Variants in SPOCK3 observed in about 807,000 individuals in gnomAD.
The protein encoded by SPOCK3 is testican-3.
In SPOCK3, 30 loss-of-function variants were observed where a neutral mutation model predicts 56.6. That is an observed-to-expected ratio of 0.53 (90% CI 0.40 to 0.72). SPOCK3 has a LOEUF of 0.72. Ranked by LOEUF, SPOCK3 falls within the 30% of genes least tolerant of loss-of-function variation. The probability of loss-of-function intolerance (pLI) is 0.00; values close to 1 mark genes in which losing one functional copy is unlikely to be tolerated. For synonymous variants in SPOCK3, 196 were observed against 183.3 expected, an observed-to-expected ratio of 1.07 and a Z score of -0.56; for missense variants, 527 against 530.0, an observed-to-expected ratio of 0.99 and a Z score of 0.06.
chr4:166,777,329 G>A (rs1381567100), intron 7 of SPOCK3, among the ~76,000 whole-genome samples: 1 of 152,138 alleles, frequency 6.6e-6, no homozygotes, highest in Non-Finnish European at 1.5e-5. Context: ...AAATGCAATA[G>A]GAAAACATTC....
chr4:167,133,159 AG>A (rs750467512), intron 2 of SPOCK3, among the ~76,000 whole-genome samples: 4 of 152,186 alleles, frequency 2.6e-5, no homozygotes, highest in Non-Finnish European at 4.4e-5. Context: ...AAGGATCTTG[AG>A]ATAGACAGAG....
At chr4:167,066,598 C>A (rs1756161373) in intron 2 of SPOCK3, among the ~76,000 whole-genome samples, 1 of 151,736 alleles carries the variant, frequency 6.6e-6, no homozygotes, top group Admixed American at 6.6e-5. Flanking sequence ...TTATTAAGAA[C>A]ACTTTACAAC....
At chr4:166,837,244 A>T (rs1167743946) in intron 6 of SPOCK3, among the ~76,000 whole-genome samples, 1 of 152,208 alleles carries the variant, frequency 6.6e-6, no homozygotes, top group African/African-American at 2.4e-5. Flanking sequence ...GTGAAGTTAG[A>T]CACACCAGCT....
chr4:166,961,586 G>C (rs550176659), intron 4 of SPOCK3, among the ~76,000 whole-genome samples: 5 of 151,442 alleles, frequency 3.3e-5, no homozygotes, highest in African/African-American at 4.8e-5. Context: ...GTTCAGATAT[G>C]ATTCAAGCTT....
At chr4:167,067,163 G>T (rs766077777) in intron 2 of SPOCK3, among the ~76,000 whole-genome samples, 16 of 151,798 alleles carry the variant, frequency 1.1e-4, no homozygotes, top group Non-Finnish European at 2.1e-4. Flanking sequence ...CAGGCATTAT[G>T]TTAGCCATTA....
intron 2 of SPOCK3, among the ~76,000 whole-genome samples, chr4:167,069,167 A>G (rs1245817172): frequency 6.6e-6 from 1 of 151,914 alleles, no homozygotes; most frequent in South Asian, 2.1e-4. Flanking sequence ...TTTGAATAGC[A>G]TATGGTTTTA....
At chr4:167,186,261 AT>A (rs759987139) in intron 2 of SPOCK3, among the ~76,000 whole-genome samples, 100 of 152,344 alleles carry the variant, frequency 6.6e-4, no homozygotes, top group Non-Finnish European at 9.6e-4. Flanking sequence ...ATCTAAAAAA[AT>A]TATTTTACAT....
At chr4:166,776,066 T>C (rs948153877) in intron 7 of SPOCK3, among the ~76,000 whole-genome samples, 16 of 152,034 alleles carry the variant, frequency 1.1e-4, no homozygotes, top group African/African-American at 3.9e-4. Flanking sequence ...AATAGTACTT[T>C]GTGATGGAGA....
chr4:166,769,580 G>A (rs942446714), intron 7 of SPOCK3, among the ~76,000 whole-genome samples: 11 of 152,184 alleles, frequency 7.2e-5, no homozygotes, highest in Admixed American at 7.2e-4. Context: ...GGCCATGTGA[G>A]GTGTCAGTCT....
rs140171300 is a variant in SPOCK3, at chr4:166,909,434, T to C, written c.474+3186A>G. Reference sequence around the variant, plus strand: ...TAAGATGTGCAATGAAAATATCATTTATAATCTCCTCTCTATAAAATAAGC... The same window carrying C: ...TAAGATGTGCAATGAAAATATCATTCATAATCTCCTCTCTATAAAATAAGC... On this transcript the variant is annotated intron_variant, in intron 5 of 10. Transcript: ENST00000357545. Among the ~76,000 whole-genome samples, 461 of 152,198 alleles carry C rather than the reference T, an allele frequency of 3.0e-3. 2 individuals are homozygous for C. Among genetic ancestry groups the C allele is most frequent in the African/African-American group, 0.011 (449 of 41,556 alleles).
At chr4:166,959,179 A>G (rs989366816) in intron 4 of SPOCK3, among the ~76,000 whole-genome samples, 2 of 152,178 alleles carry the variant, frequency 1.3e-5, no homozygotes, top group African/African-American at 4.8e-5. Context: ...CTCTTAAGTT[A>G]GTGAAGCAAA....
chr4:167,005,822 T>C (rs1297337853), intron 3 of SPOCK3, among the ~76,000 whole-genome samples: 1 of 152,200 alleles, frequency 6.6e-6, no homozygotes, highest in Non-Finnish European at 1.5e-5. Flanking sequence ...AAGAAAAGGA[T>C]ACTGTGAATT....
At chr4:166,977,822 T>C (rs1421414961) in intron 4 of SPOCK3, among the ~76,000 whole-genome samples, 2 of 152,196 alleles carry the variant, frequency 1.3e-5, no homozygotes, top group African/African-American at 2.4e-5. Context: ...GCTCTTCTCT[T>C]TTAAGAAGAA....
chr4:167,147,102 G>A (rs1342458721), intron 2 of SPOCK3, among the ~76,000 whole-genome samples: 1 of 151,938 alleles, frequency 6.6e-6, no homozygotes, highest in African/African-American at 2.4e-5. Flanking sequence ...GAATCAAATA[G>A]ATGCAATAAA....
intron 6 of SPOCK3, among the ~76,000 whole-genome samples, chr4:166,853,194 G>A (rs1730312847): frequency 1.3e-5 from 2 of 152,046 alleles, no homozygotes; most frequent in South Asian, 4.1e-4. Context: ...TGAAAATTAA[G>A]ACATATTTTT....
intron 4 of SPOCK3, among the ~76,000 whole-genome samples, chr4:166,975,615 AT>A (rs1362613550): frequency 6.6e-6 from 1 of 152,038 alleles, no homozygotes; most frequent in Non-Finnish European, 1.5e-5. Flanking sequence ...ATCTAACTGT[AT>A]TTTTTGTACC....
At chr4:166,737,443 G>C (rs1338333136) in intron 10 of SPOCK3, 24 bp downstream of exon 10, 1 of 1,599,758 alleles carries the variant, frequency 6.3e-7, no homozygotes, top group Non-Finnish European at 8.5e-7. Flanking sequence ...AGAAAATTAT[G>C]AAATAAGTAA....
chr4:166,993,629 C>A (rs187198350), intron 4 of SPOCK3, among the ~76,000 whole-genome samples: 112 of 152,230 alleles, frequency 7.4e-4, no homozygotes, highest in African/African-American at 2.7e-3. Flanking sequence ...TCTTAAATTT[C>A]ATATCCTATG....
chr4:166,833,574 T>G (rs1023507663), intron 6 of SPOCK3, among the ~76,000 whole-genome samples: 6 of 152,240 alleles, frequency 3.9e-5, no homozygotes. Flanking sequence ...ATAGTAATAT[T>G]AATATGGTTG....
Sources: gnomAD v4.1 joint callset for allele counts (sites outside exome capture counted in the v4.1 genomes callset) on GRCh38, gnomAD v4.1.1 for gene constraint, MANE v1.5 for transcripts, NCBI Gene and HGNC (gene_info 2026-07-23, HGNC 2026-07-21) for gene names.